The following SLC25A36 variants were observed in gnomAD, a reference collection of about 807,000 sequenced individuals.
The protein encoded by SLC25A36 is epididymis secretory sperm binding protein.
Under a neutral mutation model 35.3 loss-of-function variants are expected in SLC25A36, and 24 were observed. The observed-to-expected ratio is 0.68, with a 90% confidence interval of 0.49 to 0.96. The LOEUF (loss-of-function observed/expected upper bound fraction) is 0.96. SLC25A36 is among the 40% of genes least tolerant of loss of function. The pLI, the probability that SLC25A36 is intolerant of heterozygous loss-of-function variation, is 0.00. For synonymous variants in SLC25A36, 141 were observed against 132.2 expected (o/e 1.07, Z -0.46); for missense variants, 294 against 381.1 (o/e 0.77, Z 1.90).
chr3:140,980,701 C>G lies in SLC25A36; in HGVS notation c.*4248C>G, dbSNP rs1359352600. On this transcript the variant is annotated 3_prime_UTR_variant, in exon 7 of 7. Transcript: ENST00000324194. The stretch of plus-strand genomic sequence containing the variant: ...TAATTAAATGTTCCCCCTGCCCCCC[C>G]CCCCTTTTAATATATATACACGGAG... Among the ~76,000 whole-genome samples the G allele has an allele frequency of 3.8e-5, 2 of 53,160 alleles. No homozygotes were observed. Among genetic ancestry groups the G allele is most frequent in the Admixed American group, 5.5e-4 (2 of 3,646 alleles). 34.9% of individuals were successfully genotyped at this position (53,160 alleles called of 152,430 possible). A position where few individuals can be genotyped will look rare whatever the true frequency, so the allele number is the denominator to read the frequency against.
intron 3 of SLC25A36, 76 bp from the exon 4 acceptor site, chr3:140,963,051 A>G: frequency 1.1e-6 from 1 of 900,938 alleles, no homozygotes; most frequent in South Asian, 2.1e-5. Context: ...CCATTCTAAA[A>G]TTATGAAGAT....
intron 3 of SLC25A36, among the ~76,000 whole-genome samples, chr3:140,960,138 T>C (rs1269260508): frequency 6.6e-6 from 1 of 152,102 alleles, no homozygotes; most frequent in Non-Finnish European, 1.5e-5. Context: ...GTGTATTGAG[T>C]CTTCTGGGGA....
rs12633999 is a variant in SLC25A36 at position 140,971,597 on chromosome 3, T to C, written c.452+604T>C. On this transcript the variant is annotated intron_variant, in intron 5 of 6. Coordinates refer to ENST00000324194, the MANE Select transcript of SLC25A36 (RefSeq NM_001104647.3). ...CAAGGAAAGGTTTTTTGAACCCATTTTAAGCTGAGGAACCAATCGGTGCAA... is the reference window on the plus strand; with the variant it reads ...CAAGGAAAGGTTTTTTGAACCCATTCTAAGCTGAGGAACCAATCGGTGCAA... Among the ~76,000 whole-genome samples the C allele has an allele frequency of 5.9e-5, 9 of 152,306 alleles. No individual in the cohort carries two copies. The East Asian group carries it at 1.7e-3, about 29-fold the overall frequency.
chr3:140,978,454 T>G lies in SLC25A36; in HGVS notation c.*2001T>G, dbSNP rs1195166992. On this transcript the variant is annotated 3_prime_UTR_variant, in exon 7 of 7. Coordinates refer to ENST00000324194, the MANE Select transcript of SLC25A36 (RefSeq NM_001104647.3). The stretch of plus-strand genomic sequence containing the variant: ...CCATAAACATTCATTGTGTTGAATG[T>G]AAGATAGAGACTCTCCCTAGTCTTA... The G allele has an allele frequency of 6.6e-6, 1 of 152,158 alleles. No individual in the cohort carries two copies. The highest frequency in any genetic ancestry group is 2.4e-5 in the African/African-American group (1 of 41,454). The allele number at this position is 152,158 out of a possible 1,614,324, so 9.4% of individuals were successfully genotyped here.
intron 1 of SLC25A36, among the ~76,000 whole-genome samples, chr3:140,953,150 T>C (rs1008832001): frequency 6.6e-6 from 1 of 152,028 alleles, no homozygotes; most frequent in Non-Finnish European, 1.5e-5. Context: ...CTCATGTCTT[T>C]TACCACTTAG....
At chr3:140,953,685 A>G (rs2107789518) in intron 1 of SLC25A36, among the ~76,000 whole-genome samples, 1 of 152,286 alleles carries the variant, frequency 6.6e-6, no homozygotes, top group East Asian at 1.9e-4. Context: ...GGCTGGGCCT[A>G]GTGGTTCATG....
chr3:140,942,086 T>A lies in SLC25A36; in HGVS notation c.32T>A (p.Phe11Tyr). The A allele has an allele frequency of 6.8e-7, 1 of 1,469,060 alleles. No individual in the cohort carries two copies. The highest frequency in any genetic ancestry group is 9.1e-7 in the Non-Finnish European group (1 of 1,093,574). The allele number at this position is 1,469,060 out of a possible 1,614,324, so 91.0% of individuals were successfully genotyped here. ...CAGAGGGACACGCTGGTGCATCTGT[T>A]TGCCGGAGGGTAAGGTCCTGGCGGG... MSQRDTLVHL[F>Y]AGGCGGTVGA... Residue 11 changes from phenylalanine to tyrosine, a missense_variant, in exon 1 of 7, where the codon TTT (phenylalanine) becomes TAT (tyrosine). This residue lies in a region of SLC25A36 where 185 missense variants were observed against 201.5 expected (regional missense o/e 0.92). Coordinates refer to ENST00000324194, the MANE Select transcript of SLC25A36 (RefSeq NM_001104647.3).
rs150775127 is a variant in SLC25A36 at position 140,973,757 on chromosome 3, G to A, written c.494G>A (p.Arg165His). 5.2e-4 allele frequency: 819 copies of A among 1,588,114 alleles called. 3 individuals are homozygous for A. Among genetic ancestry groups the A allele is most frequent in the Non-Finnish European group, 3.5e-4 (406 of 1,164,000 alleles). ...CGAATGGGTGCTTTTGAATGTGTTC[G>A]TAAAGTGTATCAGACAGATGGACTA... ...ERRMGAFECV[R>H]KVYQTDGLKG... The change falls in exon 6 of 7, where the codon CGT (arginine) becomes CAT (histidine). Residue 165 changes from arginine to histidine, a missense_variant. By Grantham distance (29) the Arg-to-His change is conservative (BLOSUM62 0). Coordinates refer to ENST00000324194, the MANE Select transcript of SLC25A36 (RefSeq NM_001104647.3).
intron 1 of SLC25A36, among the ~76,000 whole-genome samples, chr3:140,944,467 C>A (rs763703132): frequency 2.6e-5 from 4 of 152,172 alleles, no homozygotes; most frequent in Non-Finnish European, 5.9e-5. Flanking sequence ...GATATCATGA[C>A]AGCCTGTAAA....
rs183450299 is a variant in SLC25A36, at chr3:140,945,974, T to C, written c.41+3879T>C. Among the ~76,000 whole-genome samples the C allele has an allele frequency of 2.0e-5, 3 of 152,324 alleles. No individual in the cohort carries two copies. In the East Asian group the frequency reaches 5.8e-4, roughly 29 times the overall value. ...CCATGGGTAAAAAAGTCATTCAGAT[T>C]TTAAAATAGACCAGTGGATTTTAAT... On this transcript the variant is annotated intron_variant, in intron 1 of 6. Coordinates refer to ENST00000324194, the MANE Select transcript of SLC25A36 (RefSeq NM_001104647.3).
Position 140,959,358 on chromosome 3 carries a change from C to CA in SLC25A36, c.207-104dup, listed in dbSNP as rs1934570893. The CA allele has an allele frequency of 4.3e-6, 3 of 703,924 alleles. No homozygotes were observed. In the African/African-American group the frequency reaches 5.8e-5, roughly 14 times the overall value. 43.6% of individuals were successfully genotyped at this position (703,924 alleles called of 1,614,324 possible). A position where few individuals can be genotyped will look rare whatever the true frequency, so the allele number is the denominator to read the frequency against. On this transcript the variant is annotated intron_variant, in intron 2 of 6. Coordinates refer to ENST00000324194, the MANE Select transcript of SLC25A36 (RefSeq NM_001104647.3). The stretch of plus-strand genomic sequence containing the variant: ...AGGAAAACTCACCAGAGAAGCACAA[C>CA]ATAATACAAATGTACTGGATTTAGA...
intron 1 of SLC25A36, among the ~76,000 whole-genome samples, chr3:140,949,385 T>G (rs1399277423): frequency 6.6e-6 from 1 of 152,228 alleles, no homozygotes; most frequent in African/African-American, 2.4e-5. Flanking sequence ...CTGTACAATT[T>G]GGCAAACATC....
In SLC25A36 at chr3:140,977,064, A is replaced by C. The variant is rs1038610135; in HGVS notation, c.*611A>C. On this transcript the variant is annotated 3_prime_UTR_variant, in exon 7 of 7. Coordinates refer to ENST00000324194, the MANE Select transcript of SLC25A36 (RefSeq NM_001104647.3). ...CTGACAGGTGCTTGTTGTTTAGCCT[A>C]ATGTGGATATTTAAATTGTTAACAT... 6.6e-6 allele frequency: 1 copy of C among 152,208 alleles called. No homozygotes were observed. The highest frequency in any genetic ancestry group is 6.5e-5 in the Admixed American group (1 of 15,272). 9.4% of individuals were successfully genotyped at this position (152,208 alleles called of 1,614,324 possible). A position where few individuals can be genotyped will look rare whatever the true frequency, so the allele number is the denominator to read the frequency against.
rs919802914 is a variant in SLC25A36, at chr3:140,942,330, G to A, written c.41+235G>A. 399 of 418,658 alleles carry A rather than the reference G, an allele frequency of 9.5e-4. 1 individual carries two copies. Among genetic ancestry groups the A allele is most frequent in the Non-Finnish European group, 1.0e-3 (236 of 234,742 alleles). The allele number at this position is 418,658 out of a possible 1,614,324, so 25.9% of individuals were successfully genotyped here. ...GGCCCGGGCCCGAGGGCGAGAGAGT[G>A]AGGCCCGGGCAAAGAGGGTTGAGGC... On this transcript the variant is annotated intron_variant, in intron 1 of 6. Transcript: ENST00000324194.
At chr3:140,972,513 A>G (rs142095528) in intron 5 of SLC25A36, among the ~76,000 whole-genome samples, 25 of 151,980 alleles carry the variant, frequency 1.6e-4, no homozygotes, top group African/African-American at 5.5e-4. Flanking sequence ...ATGCATGCCT[A>G]TAATCCTAGC....
At position 140,942,097 on chromosome 3, in the gene SLC25A36, T is replaced by C; in HGVS notation, c.41+2T>C. ...GCTGGTGCATCTGTTTGCCGGAGGG[T>C]AAGGTCCTGGCGGGGCGTGCGCACT... On this transcript the variant is annotated splice_donor_variant, in intron 1 of 6. Transcript: ENST00000324194. LOFTEE classifies it high-confidence loss of function. The C allele has an allele frequency of 7.2e-7, 1 of 1,387,464 alleles. No individual in the cohort carries two copies. The highest frequency in any genetic ancestry group is 9.6e-7 in the Non-Finnish European group (1 of 1,037,788). 85.9% of individuals were successfully genotyped at this position (1,387,464 alleles called of 1,614,324 possible).
At position 140,978,149 on chromosome 3, in the gene SLC25A36, A is replaced by G. The variant is rs1005657567; in HGVS notation, c.*1696A>G. On this transcript the variant is annotated 3_prime_UTR_variant, in exon 7 of 7. Transcript: ENST00000324194. Reference sequence around the variant, plus strand: ...ACATAGTGCCCTGTTAAATTCCCCCACTTTAACTTCCTTGTGATCAACAGT... The same window carrying G: ...ACATAGTGCCCTGTTAAATTCCCCCGCTTTAACTTCCTTGTGATCAACAGT... 2 of 152,024 alleles carry G rather than the reference A, an allele frequency of 1.3e-5. No homozygotes were observed. The highest frequency in any genetic ancestry group is 4.8e-5 in the African/African-American group (2 of 41,402). 9.4% of individuals were successfully genotyped at this position (152,024 alleles called of 1,614,324 possible). A position where few individuals can be genotyped will look rare whatever the true frequency, so the allele number is the denominator to read the frequency against.
chr3:140,953,341 C>T (rs1934378756), intron 1 of SLC25A36, among the ~76,000 whole-genome samples: 1 of 148,378 alleles, frequency 6.7e-6, no homozygotes. Context: ...AATCCTACTA[C>T]TTTTTGTCTA....
At chr3:140,944,941 G>A (rs896437572) in intron 1 of SLC25A36, among the ~76,000 whole-genome samples, 3 of 152,054 alleles carry the variant, frequency 2.0e-5, no homozygotes, top group East Asian at 1.9e-4. Flanking sequence ...ATTTATTTCC[G>A]CTTCACTCTG....
Sources: gnomAD v4.1 joint callset for allele counts (sites outside exome capture counted in the v4.1 genomes callset) on GRCh38, gnomAD v4.1.1 for gene constraint, gnomAD v4.1.1 regional missense constraint, MANE v1.5 for transcripts, NCBI Gene and HGNC (gene_info 2026-07-23, HGNC 2026-07-21) for gene names.